The following BBX variants were observed in gnomAD, a reference collection of about 807,000 sequenced individuals.
The protein encoded by BBX is HMG box transcription factor BBX.
In BBX, 30 loss-of-function variants were observed where a neutral mutation model predicts 100.2. The ratio of observed to expected loss-of-function variants is 0.30; its 90% CI spans 0.22 to 0.41. The LOEUF is 0.41. BBX is among the 10% of genes least tolerant of loss of function. The pLI is 1.00. For missense variants in BBX, 1,023 were observed against 1,129.8 expected (o/e 0.91, Z 1.35); for synonymous variants, 376 against 388.1 (o/e 0.97, Z 0.37).
At chr3:107,729,853 C>T (rs533527575) in intron 6 of BBX, among the ~76,000 whole-genome samples, 6 of 152,070 alleles carry the variant, frequency 3.9e-5, no homozygotes, top group South Asian at 4.2e-4. Flanking sequence ...ATAAATTTAA[C>T]GAGACTTTAT....
intron 14 of BBX, 47 bp downstream of exon 14, chr3:107,789,923 T>C: frequency 1.4e-6 from 2 of 1,410,002 alleles, no homozygotes; most frequent in Non-Finnish European, 2.0e-6. Context: ...GTCACCTCCA[T>C]TGTGATTCAT....
At chr3:107,592,264 G>A (rs2053376297) in intron 2 of BBX, among the ~76,000 whole-genome samples, 1 of 151,114 alleles carries the variant, frequency 6.6e-6, no homozygotes, top group Admixed American at 6.6e-5. Context: ...CTACTCAGGC[G>A]GGAGGATTGA....
At chr3:107,789,931 C>G (rs928237577) in intron 14 of BBX, 55 bp downstream of exon 14, 53 of 1,360,392 alleles carry the variant, frequency 3.9e-5, no homozygotes, top group Non-Finnish European at 5.3e-5. Flanking sequence ...CATTGTGATT[C>G]ATCTTTGAGT....
chr3:107,580,345 G>GT (rs1174700539), intron 2 of BBX, among the ~76,000 whole-genome samples: 3 of 151,406 alleles, frequency 2.0e-5, no homozygotes, highest in South Asian at 2.1e-4. Flanking sequence ...AAATCCACAG[G>GT]TTTTTTTTGT....
At chr3:107,527,857 G>C (rs1446654959) in intron 2 of BBX, among the ~76,000 whole-genome samples, 1 of 152,148 alleles carries the variant, frequency 6.6e-6, no homozygotes, top group African/African-American at 2.4e-5. Context: ...TTGGGCAAGA[G>C]TATTCAAAAT....
chr3:107,557,483 A>G (rs1404777627), intron 2 of BBX, among the ~76,000 whole-genome samples: 1 of 152,218 alleles, frequency 6.6e-6, no homozygotes, highest in Admixed American at 6.5e-5. Flanking sequence ...CCCTAGATCT[A>G]TGATCAGGAA....
At chr3:107,549,433 G>A (rs183781113) in intron 2 of BBX, among the ~76,000 whole-genome samples, 1 of 152,286 alleles carries the variant, frequency 6.6e-6, no homozygotes, top group East Asian at 1.9e-4. Context: ...GGTTTGTGAT[G>A]AGATAGGGAT....
In BBX at chr3:107,701,520, A is replaced by G. The variant is rs563180861; in HGVS notation, c.-9-8932A>G. ...ATGAAGCAATATTGTATAATGGTCAAGAACCAGACTGTGAAGCCAGACCGC... is the reference window on the plus strand; with the variant it reads ...ATGAAGCAATATTGTATAATGGTCAGGAACCAGACTGTGAAGCCAGACCGC... On this transcript the variant is annotated intron_variant, in intron 3 of 17. Coordinates refer to ENST00000325805, the MANE Select transcript of BBX (RefSeq NM_001142568.3). Among the ~76,000 whole-genome samples, 16 of 152,376 alleles carry G rather than the reference A, an allele frequency of 1.1e-4. No homozygotes were observed. In the South Asian group the frequency reaches 3.3e-3, roughly 32 times the overall value.
At chr3:107,687,614 A>G (rs2059923604) in intron 3 of BBX, among the ~76,000 whole-genome samples, 1 of 151,970 alleles carries the variant, frequency 6.6e-6, no homozygotes, top group Admixed American at 6.6e-5. Context: ...TTTGTCTTGA[A>G]CCGGCCTGAC....
chr3:107,626,155 T>A (rs1322269611), intron 2 of BBX, among the ~76,000 whole-genome samples: 1 of 152,202 alleles, frequency 6.6e-6, no homozygotes, highest in Non-Finnish European at 1.5e-5. Context: ...TTAGGAACAT[T>A]AATCTATTTA....
At chr3:107,730,954 A>G (rs1254225888) in intron 6 of BBX, among the ~76,000 whole-genome samples, 1 of 152,174 alleles carries the variant, frequency 6.6e-6, no homozygotes, top group Non-Finnish European at 1.5e-5. Context: ...TTACCTCAAT[A>G]TGGAATCTCT....
intron 7 of BBX, among the ~76,000 whole-genome samples, chr3:107,737,889 T>TTTG (rs2063753941): frequency 7.7e-6 from 1 of 129,554 alleles, no homozygotes; most frequent in Non-Finnish European, 1.7e-5. Context: ...TTCCAGTTTT[T>TTTG]TTTTTTTTTT....
chr3:107,568,755 C>T (rs1032545745), intron 2 of BBX, among the ~76,000 whole-genome samples: 23 of 152,110 alleles, frequency 1.5e-4, no homozygotes, highest in African/African-American at 4.6e-4. Context: ...CTTTCTTCAA[C>T]GATATTCTTT....
At chr3:107,609,475 G>T (rs1288341224) in intron 2 of BBX, among the ~76,000 whole-genome samples, 1 of 151,852 alleles carries the variant, frequency 6.6e-6, no homozygotes, top group East Asian at 1.9e-4. Flanking sequence ...TAGTATATTT[G>T]GTAGAATTCA....
chr3:107,603,356 A>G (rs2054196938), intron 2 of BBX, among the ~76,000 whole-genome samples: 2 of 151,870 alleles, frequency 1.3e-5, no homozygotes. Context: ...TCAATGCATT[A>G]AACTTTCTTG....
intron 15 of BBX, among the ~76,000 whole-genome samples, chr3:107,798,076 C>T (rs1259990763): frequency 6.6e-6 from 1 of 152,164 alleles, no homozygotes. Flanking sequence ...AATGTCCCAA[C>T]CATAAATATA....
intron 3 of BBX, among the ~76,000 whole-genome samples, chr3:107,655,520 T>A (rs1032734105): frequency 5.4e-5 from 8 of 148,022 alleles, no homozygotes; most frequent in African/African-American, 2.0e-4. Context: ...AATTTTTTTT[T>A]TTTTTTTTTT....
chr3:107,607,307 C>T (rs2054522457), intron 2 of BBX, among the ~76,000 whole-genome samples: 1 of 152,080 alleles, frequency 6.6e-6, no homozygotes, highest in African/African-American at 2.4e-5. Context: ...GTGTTGGCTC[C>T]TGACCTCAGG....
At chr3:107,804,093 C>A (rs1438068611) in intron 17 of BBX, among the ~76,000 whole-genome samples, 4 of 152,234 alleles carry the variant, frequency 2.6e-5, no homozygotes, top group African/African-American at 9.6e-5. Context: ...ATAACATCCA[C>A]ATGTGAATAG....
Sources: allele counts gnomAD v4.1 joint callset (sites outside exome capture counted in the v4.1 genomes callset), GRCh38; gene constraint gnomAD v4.1.1; transcripts MANE v1.5; gene names NCBI Gene and HGNC (gene_info 2026-07-23, HGNC 2026-07-21).